DLST: variants seen among roughly 807,000 people sequenced by gnomAD.
DLST encodes dihydrolipoamide S-succinyltransferase.
Under a neutral mutation model 53.1 loss-of-function variants are expected in DLST, and 17 were observed. That is an observed-to-expected ratio of 0.32 (90% CI 0.22 to 0.48). The LOEUF (loss-of-function observed/expected upper bound fraction) is 0.48. Among genes scored for constraint, DLST ranks in the 20% least tolerant of loss-of-function variants. DLST has a pLI of 0.99. For missense variants in DLST, 512 were observed against 583.9 expected (o/e 0.88, Z 1.27); for synonymous variants, 206 against 204.8 (o/e 1.01, Z -0.05).
At position 74,892,867 on chromosome 14, in the gene DLST, C is replaced by T. The variant is rs1307487633; in HGVS notation, c.476C>T (p.Pro159Leu). ...APAKAKPAEA[P>L]AAAAPKAEPT... is the part of the protein sequence containing the mutation. ...GCTAAGGCCAAGCCGGCTGAAGCTC[C>T]TGCTGCTGCAGCCCCAAAAGCAGAA... The change falls in exon 8 of 15, where the codon CCT becomes CTT. Residue 159 changes from proline to leucine, a missense_variant. This residue lies in a region of DLST where 162 missense variants were observed against 162.0 expected (regional missense o/e 1.00). Transcript: ENST00000334220. 21 of 1,613,756 alleles carry T rather than the reference C, an allele frequency of 1.3e-5. No individual in the cohort carries two copies. The highest frequency in any genetic ancestry group is 1.8e-5 in the Non-Finnish European group (21 of 1,179,888).
chr14:74,895,757 A>AG (rs1224694583), intron 10 of DLST, among the ~76,000 whole-genome samples: 1 of 152,098 alleles, frequency 6.6e-6, no homozygotes, highest in African/African-American at 2.4e-5. Flanking sequence ...AAAATTACCC[A>AG]GGCATGGTGG....
At position 74,885,593 on chromosome 14, in the gene DLST, C is replaced by T. The variant is rs368214083; in HGVS notation, c.105C>T (p.Ser35=). Residue 35 remains serine, a synonymous_variant, in exon 3 of 15, where the codon TCC becomes TCT. Coordinates refer to ENST00000334220, the MANE Select transcript of DLST (RefSeq NM_001933.5). ...PLGRRSLPGV[S]LCQGPGYPNS... is the part of the protein sequence containing the mutation. ...TTATTTTGTTTCTTGCAGGGGTCTC[C>T]TTATGCCAGGGACCAGGTTACCCTA... The T allele has an allele frequency of 6.2e-7, 1 of 1,614,028 alleles. No individual in the cohort carries two copies. The highest frequency in any genetic ancestry group is 8.5e-7 in the Non-Finnish European group (1 of 1,179,958).
chr14:74,894,782 C>T (rs1413261000), intron 10 of DLST, among the ~76,000 whole-genome samples: 6 of 152,028 alleles, frequency 3.9e-5, no homozygotes, highest in African/African-American at 9.7e-5. Flanking sequence ...CTCCTGACCT[C>T]GTGATCTGCC....
chr14:74,885,665 G>T, intron 3 of DLST, 31 bp downstream of exon 3: 1 of 1,573,562 alleles, frequency 6.4e-7, no homozygotes, highest in Non-Finnish European at 8.6e-7. Flanking sequence ...CAGATATGTG[G>T]CCACGGGTTA....
At chr14:74,890,152 C>A (rs200343480) in intron 6 of DLST, among the ~76,000 whole-genome samples, 200 bp downstream of exon 6, 1 of 128,228 alleles carries the variant, frequency 7.8e-6, no homozygotes, top group Non-Finnish European at 1.6e-5. Flanking sequence ...TTTTTTGAGA[C>A]AGACTTGCTC....
intron 9 of DLST, among the ~76,000 whole-genome samples, chr14:74,893,968 T>A (rs1325110868): frequency 1.3e-5 from 2 of 152,228 alleles, no homozygotes; most frequent in East Asian, 1.9e-4. Context: ...ATGCAAATCT[T>A]TATCAACAGA....
At chr14:74,899,666 G>T (rs1884179317) in intron 11 of DLST, among the ~76,000 whole-genome samples, 1 of 152,208 alleles carries the variant, frequency 6.6e-6, no homozygotes, top group African/African-American at 2.4e-5. Context: ...AAGCCAGTGT[G>T]TTGAGCCCTT....
intron 11 of DLST, among the ~76,000 whole-genome samples, chr14:74,898,771 CAG>C (rs1884151788): frequency 6.6e-6 from 1 of 152,230 alleles, no homozygotes; most frequent in African/African-American, 2.4e-5. Context: ...CCCAGCTCTC[CAG>C]GCTGTCTCCT....
intron 13 of DLST, 69 bp downstream of exon 13, chr14:74,900,441 A>T (rs1884208659): frequency 1.4e-6 from 2 of 1,422,964 alleles, no homozygotes; most frequent in Non-Finnish European, 9.9e-7. Flanking sequence ...GGCTGGGCTC[A>T]CTAGCAAGCA....
intron 10 of DLST, among the ~76,000 whole-genome samples, chr14:74,896,717 A>T (rs1884086882): frequency 6.6e-6 from 1 of 152,232 alleles, no homozygotes; most frequent in Non-Finnish European, 1.5e-5. Flanking sequence ...CTTATGTTTC[A>T]GTGCATTAGG....
rs1884367020 is a variant in DLST, at chr14:74,903,647, C to T, written c.*1317C>T. 1 of 152,054 alleles carries T rather than the reference C, an allele frequency of 6.6e-6. No individual in the cohort carries two copies. The highest frequency in any genetic ancestry group is 6.6e-5 in the Admixed American group (1 of 15,258). The allele number at this position is 152,054 out of a possible 1,614,324, so 9.4% of individuals were successfully genotyped here. ...GGTGGGAGCCAATACTGAGTGCCTG[C>T]AGCATCTACTACTCTGTCTTCACTA... On this transcript the variant is annotated 3_prime_UTR_variant, in exon 15 of 15. Coordinates refer to ENST00000334220, the MANE Select transcript of DLST (RefSeq NM_001933.5).
intron 14 of DLST, 34 bp from the exon 15 acceptor site, chr14:74,902,162 T>A: frequency 6.6e-7 from 1 of 1,512,014 alleles, no homozygotes; most frequent in Non-Finnish European, 8.9e-7. Context: ...TGTGGCTTGC[T>A]GGAGACAAAC....
At chr14:74,895,311 A>G (rs1449376548) in intron 10 of DLST, among the ~76,000 whole-genome samples, 1 of 152,264 alleles carries the variant, frequency 6.6e-6, no homozygotes, top group Non-Finnish European at 1.5e-5. Context: ...CTAATTCACT[A>G]GGTATGCCCA....
chr14:74,898,512 T>A lies in DLST; in HGVS notation c.901+13T>A. On this transcript the variant is annotated intron_variant, in intron 11 of 14. Transcript: ENST00000334220. Reference sequence around the variant, plus strand: ...GTTGTAAATGCAGGTGAGTTGCTTGTGGCTGGAATTGGAGAGGTCCTGGGA... The same window carrying A: ...GTTGTAAATGCAGGTGAGTTGCTTGAGGCTGGAATTGGAGAGGTCCTGGGA... The A allele has an allele frequency of 6.2e-7, 1 of 1,613,732 alleles. No individual in the cohort carries two copies.
intron 2 of DLST, among the ~76,000 whole-genome samples, chr14:74,882,898 G>T (rs994898820): frequency 6.6e-6 from 1 of 152,246 alleles, no homozygotes; most frequent in African/African-American, 2.4e-5. Context: ...AGGCTAGTTG[G>T]ATAGTGTCAG....
intron 2 of DLST, among the ~76,000 whole-genome samples, 196 bp downstream of exon 2, chr14:74,882,820 C>T (rs1883574437): frequency 6.6e-6 from 1 of 152,220 alleles, no homozygotes. Flanking sequence ...GTGTTAGGCA[C>T]TGTGCTAGAC....
In DLST at chr14:74,885,786, C is replaced by G. The variant is rs887620381; in HGVS notation, c.146+152C>G. On this transcript the variant is annotated intron_variant, in intron 3 of 14. Transcript: ENST00000334220. Reference sequence around the variant, plus strand: ...GTCCCTAGACTAACCTCAATGTTCACTTTTCCCATGTGATGTTCCTTGAGC... The same window carrying G: ...GTCCCTAGACTAACCTCAATGTTCAGTTTTCCCATGTGATGTTCCTTGAGC... 8.7e-6 allele frequency: 6 copies of G among 691,020 alleles called. No homozygotes were observed. In the East Asian group the frequency reaches 1.1e-4, roughly 13 times the overall value. 42.8% of individuals were successfully genotyped at this position (691,020 alleles called of 1,614,324 possible).
At chr14:74,896,241 G>GT (rs574591163) in intron 10 of DLST, among the ~76,000 whole-genome samples, 3 of 152,234 alleles carry the variant, frequency 2.0e-5, no homozygotes, top group Non-Finnish European at 4.4e-5. Flanking sequence ...TGTTAACAGT[G>GT]TAGACCATGA....
intron 11 of DLST, 105 bp downstream of exon 11, chr14:74,898,604 C>A: frequency 7.4e-7 from 1 of 1,355,786 alleles, no homozygotes. Context: ...TTTTTATTTG[C>A]TACCTATAGA....
Sources: allele counts gnomAD v4.1 joint callset (sites outside exome capture counted in the v4.1 genomes callset), GRCh38; gene constraint gnomAD v4.1.1; regional missense constraint gnomAD v4.1.1; transcripts MANE v1.5; gene names NCBI Gene and HGNC (gene_info 2026-07-23, HGNC 2026-07-21).